Variants in CTCFL observed in about 807,000 individuals in gnomAD.
CTCFL encodes the protein transcriptional repressor CTCFL.
CTCFL carries 36 observed loss-of-function variants against 67.4 expected under a neutral mutation model. The observed-to-expected ratio is 0.53, with a 90% CI of 0.41 to 0.71. The LOEUF (loss-of-function observed/expected upper bound fraction) is 0.71. Among genes scored for constraint, CTCFL ranks in the 30% least tolerant of loss-of-function variants. The pLI is 0.00. For missense variants in CTCFL, 786 were observed against 835.2 expected (o/e 0.94, Z 0.73); for synonymous variants, 324 against 302.3 (o/e 1.07, Z -0.75).
chr20:57,512,752 C>T lies in CTCFL; in HGVS notation c.1331G>A (p.Arg444His). 16 of 1,613,974 alleles carry T rather than the reference C, an allele frequency of 9.9e-6. No individual in the cohort carries two copies. Among genetic ancestry groups the T allele is most frequent in the Non-Finnish European group, 1.3e-5 (15 of 1,179,854 alleles). Residue 444 changes from arginine (R) to histidine (H), a missense_variant and splice_region_variant, in exon 8 of 11, where the codon CGT becomes CAT. Around this residue, in one of 3 missense-constraint regions of CTCFL, gnomAD observed 254 missense variants for 333.9 expected, o/e 0.76. Coordinates refer to ENST00000243914, the MANE Select transcript of CTCFL (RefSeq NM_001386993.1). The part of the protein sequence containing the change: ...ATIIARKSDL[R>H]VHMRNLHAYS... ...AGCATGCAAGTTGCGCATATGCACACCTAAAATGGTCACAGAACATTATAT... is the reference window on the plus strand; with the variant it reads ...AGCATGCAAGTTGCGCATATGCACATCTAAAATGGTCACAGAACATTATAT...
rs572256612 is a variant in CTCFL, at chr20:57,505,308, T to A, written c.1675-1707A>T. Among the ~76,000 whole-genome samples the A allele has an allele frequency of 3.2e-4, 48 of 151,810 alleles. 1 individual carries two copies. The highest frequency in any genetic ancestry group is 3.4e-3 in the Middle Eastern group (1 of 294). The stretch of plus-strand genomic sequence containing the variant: ...TCTTGCTCTTTCGTCTAGGCTGGAG[T>A]GCAGTGGCACGATCTCTGCTCACTG... On this transcript the variant is annotated intron_variant, in intron 9 of 10. Transcript: ENST00000243914.
chr20:57,512,373 G>A (rs1362715625), intron 8 of CTCFL, among the ~76,000 whole-genome samples: 1 of 152,202 alleles, frequency 6.6e-6, no homozygotes, highest in African/African-American at 2.4e-5. Flanking sequence ...GGCTCTTGTG[G>A]GGCCCTAGTT....
At chr20:57,519,726 T>C (rs1345451321) in intron 3 of CTCFL, among the ~76,000 whole-genome samples, 1 of 152,114 alleles carries the variant, frequency 6.6e-6, no homozygotes, top group African/African-American at 2.4e-5. Flanking sequence ...ACCGCCTACC[T>C]GAAGTGGGGC....
At position 57,501,738 on chromosome 20, in the gene CTCFL, G is replaced by A. The variant is rs931633531; in HGVS notation, c.1840+1698C>T. Among the ~76,000 whole-genome samples the A allele has an allele frequency of 9.9e-5, 15 of 152,284 alleles. No individual in the cohort carries two copies. The East Asian group carries it at 1.9e-3, about 20-fold the overall frequency. On this transcript the variant is annotated intron_variant, in intron 10 of 10. Coordinates refer to ENST00000243914, the MANE Select transcript of CTCFL (RefSeq NM_001386993.1). ...GATGACACAGGAATGCCGGGGCAGCGGGCAGCAGAGCCCATCTGCTGGTGC... is the reference window on the plus strand; with the variant it reads ...GATGACACAGGAATGCCGGGGCAGCAGGCAGCAGAGCCCATCTGCTGGTGC...
chr20:57,519,653 G>A (rs773834370), intron 3 of CTCFL, among the ~76,000 whole-genome samples: 1 of 152,168 alleles, frequency 6.6e-6, no homozygotes, highest in Admixed American at 6.5e-5. Context: ...AACAATGCTA[G>A]GGAGGAGATG....
chr20:57,508,613 G>A lies in CTCFL; in HGVS notation c.1667C>T (p.Ser556Phe). Residue 556 changes from serine (S) to phenylalanine (F), a missense_variant, in exon 9 of 11, where the codon TCC (serine) becomes TTC (phenylalanine). Physicochemically the swap from Ser to Phe is radical, Grantham distance 155 (BLOSUM62 -2). This residue lies in a region of CTCFL where 199 missense variants were observed against 196.7 expected (regional missense o/e 1.01). Transcript: ENST00000243914. ...YKCSKCGKGF[S>F]RWINLHRHSE... ...TGACTTAAGTAAGCTTACCCAGCGG[G>A]AAAAGCCTTTGCCACACTTGGAGCA... 6.2e-7 allele frequency: 1 copy of A among 1,614,096 alleles called. No individual in the cohort carries two copies. Among genetic ancestry groups the A allele is most frequent in the Non-Finnish European group, 8.5e-7 (1 of 1,179,952 alleles).
chr20:57,524,620 G>C, intron 1 of CTCFL: 2 of 1,023,642 alleles, frequency 2.0e-6, no homozygotes, highest in Non-Finnish European at 2.3e-6. Flanking sequence ...GCAGGCTCTC[G>C]GCCAGTGCAT....
intron 9 of CTCFL, among the ~76,000 whole-genome samples, chr20:57,504,534 G>C (rs984966147): frequency 4.0e-5 from 6 of 151,636 alleles, no homozygotes; most frequent in African/African-American, 1.2e-4. Context: ...CACCTGCCTT[G>C]GCCTCCCAAA....
intron 7 of CTCFL, chr20:57,513,158 G>T: frequency 1.3e-6 from 1 of 750,004 alleles, no homozygotes; most frequent in Non-Finnish European, 1.6e-6. Flanking sequence ...AGCACTTTGA[G>T]AACTATTATG....
At chr20:57,516,477 CAA>C (rs929408245) in intron 5 of CTCFL, among the ~76,000 whole-genome samples, 6 of 151,922 alleles carry the variant, frequency 3.9e-5, no homozygotes, top group Non-Finnish European at 7.4e-5. Flanking sequence ...GCTGAGGCCG[CAA>C]AGAGCCAAGA....
intron 9 of CTCFL, among the ~76,000 whole-genome samples, chr20:57,504,267 C>T (rs2068075482): frequency 6.8e-6 from 1 of 147,912 alleles, no homozygotes; most frequent in East Asian, 2.0e-4. Flanking sequence ...TGAGCCACTG[C>T]ACCCGCCCCC....
At chr20:57,519,455 G>A (rs1004517411) in intron 3 of CTCFL, 78 bp from the exon 4 acceptor site, 13 of 1,320,428 alleles carry the variant, frequency 9.8e-6, no homozygotes, top group African/African-American at 8.7e-5. Flanking sequence ...TCAGCACATC[G>A]TCCTTTCAAC....
At chr20:57,510,643 C>G (rs1378611778) in intron 8 of CTCFL, among the ~76,000 whole-genome samples, 2 of 152,176 alleles carry the variant, frequency 1.3e-5, no homozygotes, top group African/African-American at 4.8e-5. Context: ...GCGGGCAGAT[C>G]ACGAGGTCAG....
At chr20:57,496,018 G>T, downstream of CTCFL, 1 of 384,464 alleles carries the variant, frequency 2.6e-6, no homozygotes, top group Admixed American at 4.5e-5. Context: ...ACATTTGGTT[G>T]TAGTAAAATA....
chr20:57,519,161 C>G, intron 4 of CTCFL, 46 bp downstream of exon 4: 1 of 1,588,472 alleles, frequency 6.3e-7, no homozygotes, highest in South Asian at 1.1e-5. Context: ...TAACATAAGC[C>G]TTAACACACA....
rs750819345 is a variant in CTCFL at position 57,498,664 on chromosome 20, T to C, written c.1878A>G (p.Glu626=). 8.1e-6 allele frequency: 13 copies of C among 1,614,060 alleles called. No homozygotes were observed. The South Asian group carries it at 1.4e-4, about 18-fold the overall frequency. Residue 626 remains glutamate, a synonymous_variant, in exon 11 of 11, where the codon GAA becomes GAG. Coordinates refer to ENST00000243914, the MANE Select transcript of CTCFL (RefSeq NM_001386993.1). ...AAEEASTTKG[E]QFPGEMFPVA... is the part of the protein sequence containing the mutation. ...CAGGAAACATCTCTCCTGGGAACTGTTCTCCCTTCGTGGTGGAAGCCTCCT... is the reference window on the plus strand; with the variant it reads ...CAGGAAACATCTCTCCTGGGAACTGCTCTCCCTTCGTGGTGGAAGCCTCCT...
chr20:57,523,637 G>C, intron 2 of CTCFL, 26 bp downstream of exon 2: 1 of 1,591,390 alleles, frequency 6.3e-7, no homozygotes, highest in Non-Finnish European at 8.6e-7. Context: ...TTCATGTAAG[G>C]GGTTGTTTAT....
At chr20:57,511,959 T>C (rs2068593191) in intron 8 of CTCFL, among the ~76,000 whole-genome samples, 1 of 152,188 alleles carries the variant, frequency 6.6e-6, no homozygotes, top group South Asian at 2.1e-4. Flanking sequence ...AATTTGTTTA[T>C]CTTGTTCCTT....
In CTCFL at chr20:57,525,120, C is replaced by G. The variant is rs1274030921; in HGVS notation, c.-104G>C. On this transcript the variant is annotated 5_prime_UTR_variant, in exon 1 of 11. Transcript: ENST00000243914. ...GCGTGCTGCAGCCCACAGCCGGCCGCCGCCGGGCTGGCGCGAGAGTGGAGG... is the reference window on the plus strand; with the variant it reads ...GCGTGCTGCAGCCCACAGCCGGCCGGCGCCGGGCTGGCGCGAGAGTGGAGG... 6.6e-6 allele frequency: 1 copy of G among 151,944 alleles called. No homozygotes were observed. The highest frequency in any genetic ancestry group is 6.6e-5 in the Admixed American group (1 of 15,256). The allele number at this position is 151,944 out of a possible 1,614,324, so 9.4% of individuals were successfully genotyped here.
Sources: allele counts gnomAD v4.1 joint callset (sites outside exome capture counted in the v4.1 genomes callset), GRCh38; gene constraint gnomAD v4.1.1; regional missense constraint gnomAD v4.1.1; transcripts MANE v1.5; gene names NCBI Gene and HGNC (gene_info 2026-07-23, HGNC 2026-07-21).